ARFGEF1: variants seen among roughly 807,000 people sequenced by gnomAD.
The protein encoded by ARFGEF1 is ARF guanine nucleotide exchange factor 1, also known as brefeldin A-inhibited guanine nucleotide-exchange protein 1.
ARFGEF1 carries 42 observed loss-of-function variants against 231.0 expected under a neutral mutation model. The observed-to-expected ratio is 0.18, with a 90% CI of 0.14 to 0.24. The LOEUF (loss-of-function observed/expected upper bound fraction) is 0.24. ARFGEF1 is among the 10% of genes least tolerant of loss of function. The pLI is 1.00. For synonymous variants in ARFGEF1, 710 were observed against 732.3 expected (o/e 0.97, Z 0.49); for missense variants, 1,345 against 2,192.0 (o/e 0.61, Z 7.72).
intron 19 of ARFGEF1, among the ~76,000 whole-genome samples, chr8:67,246,484 T>C (rs1587127654): frequency 6.7e-6 from 1 of 150,242 alleles, no homozygotes; most frequent in South Asian, 2.1e-4. Context: ...ACATGAAAAT[T>C]AAAGAATATG....
intron 5 of ARFGEF1, among the ~76,000 whole-genome samples, chr8:67,191,958 G>A (rs538578548): frequency 6.6e-6 from 1 of 152,056 alleles, no homozygotes; most frequent in South Asian, 2.1e-4. Context: ...TGGTGTCATG[G>A]TGGTTTTGAG....
intron 22 of ARFGEF1, 52 bp from the exon 23 acceptor site, chr8:67,232,997 A>T: frequency 7.1e-7 from 1 of 1,401,534 alleles, no homozygotes; most frequent in Non-Finnish European, 1.0e-6. Flanking sequence ...TCAGTAGAAG[A>T]ATACACTTAA....
Position 67,221,563 on chromosome 8 carries a change from G to A in ARFGEF1, c.4209-2003C>T, listed in dbSNP as rs185992743. Among the ~76,000 whole-genome samples, 225 of 152,214 alleles carry A rather than the reference G, an allele frequency of 1.5e-3. 3 individuals are homozygous for A. The highest frequency in any genetic ancestry group is 0.012 in the Admixed American group (189 of 15,296). ...TATATAGCTGTACAATGTGTTTTAA[G>A]CTAAGTGTTAATATAAGAGTCAAGT... On this transcript the variant is annotated intron_variant, in intron 29 of 38. Transcript: ENST00000262215.
At chr8:67,285,102 G>A (rs1468980007) in intron 7 of ARFGEF1, among the ~76,000 whole-genome samples, 3 of 151,912 alleles carry the variant, frequency 2.0e-5, no homozygotes, top group South Asian at 4.2e-4. Context: ...TTTTAAAGGG[G>A]GGGGTGGGGC....
chr8:67,223,288 T>C (rs1015764450), intron 29 of ARFGEF1, among the ~76,000 whole-genome samples: 3 of 152,132 alleles, frequency 2.0e-5, no homozygotes, highest in Non-Finnish European at 4.4e-5. Context: ...GGGCTCACCA[T>C]AGCCCCAACC....
Position 67,291,959 on chromosome 8 carries a change from A to G in ARFGEF1, c.804T>C (p.His268=), listed in dbSNP as rs765794182. The G allele has an allele frequency of 8.7e-6, 14 of 1,613,816 alleles. No individual in the cohort carries two copies. In the East Asian group the frequency reaches 1.6e-4, roughly 18 times the overall value. The change falls in exon 6 of 39, where the codon CAT becomes CAC. Residue 268 remains histidine, a synonymous_variant. Transcript: ENST00000262215. ...SQEHEGDLDL[H]TNDVDKSLQD... ...GAAGACTTTTATCTACATCATTTGT[A>G]TGGAGGTCAAGGTCCCCTTCGTGTT...
chr8:67,205,857 CAAAAAAAT>C (rs1838492898), intron 34 of ARFGEF1, among the ~76,000 whole-genome samples: 1 of 141,888 alleles, frequency 7.0e-6, no homozygotes, highest in South Asian at 2.2e-4. Context: ...GACTCCGTCT[CAAAAAAAT>C]AAATAAATAA....
At chr8:67,251,699 T>A (rs978452520) in intron 18 of ARFGEF1, among the ~76,000 whole-genome samples, 1 of 152,148 alleles carries the variant, frequency 6.6e-6, no homozygotes, top group South Asian at 2.1e-4. Flanking sequence ...AATTGCTTGA[T>A]GAGTTTGGAG....
intron 1 of ARFGEF1, among the ~76,000 whole-genome samples, chr8:67,309,646 C>T (rs1806904160): frequency 1.3e-5 from 2 of 152,138 alleles, no homozygotes; most frequent in Non-Finnish European, 2.9e-5. Flanking sequence ...AACAATTTAA[C>T]TGGTTAGAAG....
At chr8:67,226,991 A>T in intron 27 of ARFGEF1, 146 bp downstream of exon 27, 1 of 638,860 alleles carries the variant, frequency 1.6e-6, no homozygotes, top group Non-Finnish European at 2.5e-6. Flanking sequence ...ATAGTAATTT[A>T]ATTGTTTTTA....
intron 1 of ARFGEF1, among the ~76,000 whole-genome samples, chr8:67,335,975 G>A (rs944572188): frequency 2.0e-5 from 3 of 151,940 alleles, no homozygotes; most frequent in East Asian, 1.9e-4. Flanking sequence ...GGTCTCGAAC[G>A]CCTGACCTCA....
chr8:67,287,484 A>G (rs921717123), intron 7 of ARFGEF1, among the ~76,000 whole-genome samples: 12 of 152,350 alleles, frequency 7.9e-5, no homozygotes, highest in African/African-American at 2.9e-4. Flanking sequence ...AGTGAGTACA[A>G]CTATATGCTG....
chr8:67,302,039 T>C (rs1048024013), intron 2 of ARFGEF1, among the ~76,000 whole-genome samples: 2 of 152,006 alleles, frequency 1.3e-5, no homozygotes, highest in South Asian at 4.2e-4. Flanking sequence ...GAATCCCATC[T>C]CTACAAAAAA....
chr8:67,191,448 C>G (rs1218446602), intron 5 of ARFGEF1, among the ~76,000 whole-genome samples: 1 of 152,218 alleles, frequency 6.6e-6, no homozygotes, highest in Non-Finnish European at 1.5e-5. Flanking sequence ...AATAGCTTTG[C>G]TTTTTGCCTT....
At chr8:67,294,457 G>A (rs1393614569) in intron 5 of ARFGEF1, among the ~76,000 whole-genome samples, 2 of 152,044 alleles carry the variant, frequency 1.3e-5, no homozygotes, top group South Asian at 4.1e-4. Context: ...AATGGATAAG[G>A]CTAAAGACAA....
intron 29 of ARFGEF1, among the ~76,000 whole-genome samples, chr8:67,224,132 A>T (rs1036997752): frequency 1.3e-5 from 2 of 152,204 alleles, no homozygotes; most frequent in Admixed American, 1.3e-4. Flanking sequence ...AATTCAAAAA[A>T]TTCGATAAAG....
rs752860752 is a variant in ARFGEF1, at chr8:67,266,154, T to C, written c.1975A>G (p.Ile659Val). Residue 659 changes from isoleucine to valine, a missense_variant, in exon 14 of 39, where the codon ATA becomes GTA. Around this residue, in one of 14 missense-constraint regions of ARFGEF1, gnomAD observed 105 missense variants for 159.3 expected, o/e 0.66. Coordinates refer to ENST00000262215, the MANE Select transcript of ARFGEF1 (RefSeq NM_006421.5). ...EMSEIKHPET[I>V]NRYGSLNSLE... ...GAATTTAAACTTCCGTATCTGTTTATTGTCTCAGGGTGTTTGATTTCACTC... is the reference window on the plus strand; with the variant it reads ...GAATTTAAACTTCCGTATCTGTTTACTGTCTCAGGGTGTTTGATTTCACTC... 3 of 1,613,874 alleles carry C rather than the reference T, an allele frequency of 1.9e-6. No homozygotes were observed. Among genetic ancestry groups the C allele is most frequent in the South Asian group, 1.1e-5 (1 of 91,066 alleles).
downstream of ARFGEF1, chr8:67,174,959 A>G (rs1831265176): frequency 4.3e-6 from 1 of 231,418 alleles, no homozygotes; most frequent in African/African-American, 2.3e-5. Context: ...TAGCCATGTG[A>G]CCATCTGCTT....
chr8:67,191,489 A>G lies in ARFGEF1; in HGVS notation c.560+8907T>C, dbSNP rs184928384. On this transcript the variant is annotated intron_variant, in intron 5 of 5. Transcript: ENST00000518789. ...ACCACCAGTCTACTTTGGTTTCTATAGATGTGCCTTTTCTGGACATTTCGT... is the reference window on the plus strand; with the variant it reads ...ACCACCAGTCTACTTTGGTTTCTATGGATGTGCCTTTTCTGGACATTTCGT... Among the ~76,000 whole-genome samples, 3 of 152,340 alleles carry G rather than the reference A, an allele frequency of 2.0e-5. No homozygotes were observed. In the East Asian group the frequency reaches 5.8e-4, roughly 29 times the overall value.
Sources: gnomAD v4.1 joint callset for allele counts (sites outside exome capture counted in the v4.1 genomes callset) on GRCh38, gnomAD v4.1.1 for gene constraint, gnomAD v4.1.1 regional missense constraint, MANE v1.5 for transcripts, NCBI Gene and HGNC (gene_info 2026-07-23, HGNC 2026-07-21) for gene names.